The following FOXN2 variants were observed in gnomAD, a reference collection of about 807,000 sequenced individuals.
The protein encoded by FOXN2 is forkhead box N2.
In FOXN2, 19 loss-of-function variants were observed where a neutral mutation model predicts 41.2. The ratio of observed to expected loss-of-function variants is 0.46; its 90% CI spans 0.32 to 0.68. The LOEUF (loss-of-function observed/expected upper bound fraction) is 0.68. FOXN2 is among the 30% of genes least tolerant of loss of function. FOXN2 has a pLI of 0.03. For missense variants in FOXN2, 587 were observed against 509.4 expected, an observed-to-expected ratio of 1.15 and a Z score of -1.47; for synonymous variants, 195 against 176.8, an observed-to-expected ratio of 1.10 and a Z score of -0.82.
At chr2:48,362,780 T>C (rs778592220) in intron 5 of FOXN2, 73 bp downstream of exon 5, 8 of 1,224,132 alleles carry the variant, frequency 6.5e-6, no homozygotes, top group Non-Finnish European at 9.6e-6. Context: ...TGCATAACAA[T>C]GGTGGTCCCC....
intron 3 of FOXN2, among the ~76,000 whole-genome samples, chr2:48,356,136 T>C (rs1671776927): frequency 2.6e-5 from 4 of 151,656 alleles, no homozygotes; most frequent in African/African-American, 9.7e-5. Context: ...ATTTAAAAAA[T>C]AAATAAAAAT....
chr2:48,333,073 T>C (rs1307254140), intron 2 of FOXN2, among the ~76,000 whole-genome samples: 2 of 152,196 alleles, frequency 1.3e-5, no homozygotes, highest in East Asian at 3.8e-4. Context: ...TTCTGCCCAA[T>C]ATCTCCTAGT....
rs551859791 is a variant in FOXN2 at position 48,373,012 on chromosome 2, G to A, written c.704-280G>A. Among the ~76,000 whole-genome samples, 5 of 151,102 alleles carry A rather than the reference G, an allele frequency of 3.3e-5. No individual in the cohort carries two copies. The East Asian group carries it at 9.7e-4, about 29-fold the overall frequency. Reference sequence around the variant, plus strand: ...TTACTGAAATACAGTTTAAGTTTTCGTTTTCATTGTGAATAATTAAAGAAG... The same window carrying A: ...TTACTGAAATACAGTTTAAGTTTTCATTTTCATTGTGAATAATTAAAGAAG... On this transcript the variant is annotated intron_variant, in intron 5 of 6. Transcript: ENST00000340553.
chr2:48,319,774 C>A (rs967671263), intron 1 of FOXN2, among the ~76,000 whole-genome samples: 1 of 143,916 alleles, frequency 6.9e-6, no homozygotes, highest in African/African-American at 2.6e-5. Flanking sequence ...CCACCCCTGG[C>A]TAATTTTTTA....
At chr2:48,367,773 C>A (rs1672624947) in intron 5 of FOXN2, among the ~76,000 whole-genome samples, 1 of 152,164 alleles carries the variant, frequency 6.6e-6, no homozygotes, top group African/African-American at 2.4e-5. Flanking sequence ...TATTTTTAAT[C>A]ATTTCCCAAC....
intron 2 of FOXN2, among the ~76,000 whole-genome samples, chr2:48,339,355 C>A (rs2104313717): frequency 6.6e-6 from 1 of 152,210 alleles, no homozygotes; most frequent in African/African-American, 2.4e-5. Flanking sequence ...TCAAGCTGTT[C>A]TTGTGATAGT....
chr2:48,337,931 C>CA (rs370226677), intron 2 of FOXN2, among the ~76,000 whole-genome samples: 1 of 151,654 alleles, frequency 6.6e-6, no homozygotes, highest in Non-Finnish European at 1.5e-5. Flanking sequence ...AAGCAGACCC[C>CA]AAAAAAAGAT....
intron 2 of FOXN2, among the ~76,000 whole-genome samples, chr2:48,331,799 A>C (rs1670036358): frequency 6.6e-6 from 1 of 151,294 alleles, no homozygotes; most frequent in South Asian, 2.1e-4. Context: ...CCTCGGTGAC[A>C]GAACCAGAAA....
chr2:48,325,248 T>G (rs1357266633), intron 1 of FOXN2, among the ~76,000 whole-genome samples: 3 of 152,212 alleles, frequency 2.0e-5, no homozygotes. Context: ...TGTGTGTTTC[T>G]GCATATAAAA....
At chr2:48,344,589 A>G (rs952403713) in intron 2 of FOXN2, among the ~76,000 whole-genome samples, 1 of 152,226 alleles carries the variant, frequency 6.6e-6, no homozygotes, top group Non-Finnish European at 1.5e-5. Context: ...TAATTGAGAT[A>G]TCATATGTAA....
intron 3 of FOXN2, among the ~76,000 whole-genome samples, chr2:48,349,164 T>C (rs932648928): frequency 7.2e-5 from 11 of 152,310 alleles, no homozygotes; most frequent in African/African-American, 2.6e-4. Context: ...AGGGAGACTC[T>C]GTCTCACAAA....
rs768712035 is a variant in FOXN2 at position 48,375,257 on chromosome 2, G to T, written c.1110G>T (p.Gln370His). The change falls in exon 7 of 7, where the codon CAG becomes CAT. Residue 370 changes from glutamine (Q) to histidine (H), a missense_variant. By Grantham distance (24) the Gln-to-His change is conservative. Coordinates refer to ENST00000340553, the MANE Select transcript of FOXN2 (RefSeq NM_002158.4). ...TTGGAGACAGTGGCTATGCATCACAGCCTTGTGCAAAAATCTCTGAAAAAG... is the reference window on the plus strand; with the variant it reads ...TTGGAGACAGTGGCTATGCATCACATCCTTGTGCAAAAATCTCTGAAAAAG... ...DPLGDSGYAS[Q>H]PCAKISEKGQ... 4 of 1,614,062 alleles carry T rather than the reference G, an allele frequency of 2.5e-6. No homozygotes were observed. In the South Asian group the frequency reaches 4.4e-5, roughly 18 times the overall value.
intron 1 of FOXN2, among the ~76,000 whole-genome samples, chr2:48,323,230 G>A (rs1371323420): frequency 6.6e-6 from 1 of 151,958 alleles, no homozygotes; most frequent in Non-Finnish European, 1.5e-5. Flanking sequence ...TTTACAACGT[G>A]TAATGATCAA....
chr2:48,342,916 A>G (rs1198571027), intron 2 of FOXN2, among the ~76,000 whole-genome samples: 2 of 152,212 alleles, frequency 1.3e-5, no homozygotes, highest in Non-Finnish European at 2.9e-5. Context: ...TTTTGCTGCC[A>G]TACTATTTCT....
At chr2:48,358,796 A>G (rs1211720724) in intron 3 of FOXN2, among the ~76,000 whole-genome samples, 4 of 152,218 alleles carry the variant, frequency 2.6e-5, no homozygotes, top group Non-Finnish European at 5.9e-5. Context: ...GAAGTAGAAA[A>G]GGCATAATAT....
intron 1 of FOXN2, among the ~76,000 whole-genome samples, chr2:48,324,759 T>G (rs762353341): frequency 6.6e-6 from 1 of 152,222 alleles, no homozygotes; most frequent in Non-Finnish European, 1.5e-5. Context: ...ATAACTTTAG[T>G]GTTTATGAAG....
chr2:48,365,777 G>A (rs1238532358), intron 5 of FOXN2, among the ~76,000 whole-genome samples: 1 of 152,104 alleles, frequency 6.6e-6, no homozygotes, highest in African/African-American at 2.4e-5. Context: ...ATGCACATCT[G>A]TCCTGGAATA....
At position 48,346,468 on chromosome 2, in the gene FOXN2, T is replaced by C; in HGVS notation, c.254T>C (p.Leu85Ser). ...GAGGGTCTTCCAATTGTTAGTCCAT[T>C]GTATGACATAGAGGGAGATGATGTG... ...GSEGLPIVSP[L>S]YDIEGDDVPS... The change falls in exon 3 of 7, where the codon TTG becomes TCG. Residue 85 changes from leucine (L) to serine (S), a missense_variant. Coordinates refer to ENST00000340553, the MANE Select transcript of FOXN2 (RefSeq NM_002158.4). 6.2e-7 allele frequency: 1 copy of C among 1,614,146 alleles called. No homozygotes were observed. The highest frequency in any genetic ancestry group is 1.1e-5 in the South Asian group (1 of 91,080).
intron 6 of FOXN2, among the ~76,000 whole-genome samples, chr2:48,374,082 A>G (rs1361558024): frequency 6.6e-6 from 1 of 151,946 alleles, no homozygotes; most frequent in Non-Finnish European, 1.5e-5. Context: ...AAAAAAAAAA[A>G]GCATTCTGAC....
Sources: gnomAD v4.1 joint callset for allele counts (sites outside exome capture counted in the v4.1 genomes callset) on GRCh38, gnomAD v4.1.1 for gene constraint, MANE v1.5 for transcripts, NCBI Gene and HGNC (gene_info 2026-07-23, HGNC 2026-07-21) for gene names.